Variants in ASCC2 observed in about 807,000 individuals in gnomAD.
ASCC2 encodes the protein activating signal cointegrator 1 complex subunit 2.
In ASCC2, 42 loss-of-function variants were observed where a neutral mutation model predicts 93.5. The ratio of observed to expected loss-of-function variants is 0.45; its 90% CI spans 0.35 to 0.58. ASCC2 has a LOEUF of 0.58. Among genes scored for constraint, ASCC2 ranks in the 20% least tolerant of loss-of-function variants. The pLI is 0.00. For missense variants in ASCC2, 859 were observed against 977.6 expected, an observed-to-expected ratio of 0.88 and a Z score of 1.62; for synonymous variants, 364 against 384.2, an observed-to-expected ratio of 0.95 and a Z score of 0.62.
intron 1 of ASCC2, 83 bp from the exon 2 acceptor site, chr22:29,832,425 C>A: frequency 9.1e-7 from 1 of 1,098,048 alleles, no homozygotes; most frequent in Non-Finnish European, 1.3e-6. Context: ...ATCCCAGAGT[C>A]AGAAGAGAAG....
chr22:29,806,191 G>A (rs1491004283), intron 12 of ASCC2, 25 bp downstream of exon 12: 8 of 1,611,008 alleles, frequency 5.0e-6, no homozygotes, highest in South Asian at 2.2e-5. Flanking sequence ...GGGCCCTGTC[G>A]TAGTGGGCTA....
At chr22:29,801,854 CAA>C (rs1397738800) in intron 14 of ASCC2, 138 bp downstream of exon 14, 3 of 774,920 alleles carry the variant, frequency 3.9e-6, no homozygotes, top group African/African-American at 3.5e-5. Flanking sequence ...TATGTTTCCC[CAA>C]AGAGGGCTTT....
In ASCC2 at chr22:29,807,235, C is replaced by CAAAA. The variant is rs553545816; in HGVS notation, c.909-335_909-332dup. Among the ~76,000 whole-genome samples, 154 of 46,442 alleles carry CAAAA rather than the reference C, an allele frequency of 3.3e-3. 3 individuals carry two copies. In the South Asian group the frequency reaches 0.054, roughly 16 times the overall value. The allele number at this position is 46,442 out of a possible 152,430, so 30.5% of individuals were successfully genotyped here. ...TGGGTGACAGAGCAAGACCCTGTCT[C>CAAAA]AAAAAAAAAAAAAAAAAAAAAAAAA... On this transcript the variant is annotated intron_variant, in intron 9 of 19. Transcript: ENST00000307790.
At position 29,804,716 on chromosome 22, in the gene ASCC2, C is replaced by T; in HGVS notation, c.1275G>A (p.Gly425=). The change falls in exon 13 of 20, where the codon GGG becomes GGA. Residue 425 remains glycine, a synonymous_variant. Coordinates refer to ENST00000307790, the MANE Select transcript of ASCC2 (RefSeq NM_032204.5). ...KDPSVIEEPN[G]EPNGVTVTAE... is the part of the protein sequence containing the mutation. ...CTGTCACCGTGACCCCGTTAGGCTC[C>T]CCATTAGGCTCCTCAATCACCGATG... 2 of 1,614,092 alleles carry T rather than the reference C, an allele frequency of 1.2e-6. No individual in the cohort carries two copies. Among genetic ancestry groups the T allele is most frequent in the South Asian group, 2.2e-5 (2 of 91,078 alleles).
chr22:29,798,249 T>C (rs189088064), intron 15 of ASCC2, among the ~76,000 whole-genome samples: 266 of 152,260 alleles, frequency 1.7e-3, no homozygotes, highest in African/African-American at 5.9e-3. Context: ...TACATTTTCT[T>C]TAGGTCTTTC....
Position 29,804,803 on chromosome 22 carries a change from G to A in ASCC2, c.1188C>T (p.Leu396=), listed in dbSNP as rs1261477945. The A allele has an allele frequency of 6.2e-7, 1 of 1,614,114 alleles. No homozygotes were observed. Among genetic ancestry groups the A allele is most frequent in the South Asian group, 1.1e-5 (1 of 91,082 alleles). ...CTTCCCATGCACTCTCGACTGCCTG[G>A]AGGATGTAGGCAGTCCGCGTCTCGT... is the stretch of plus-strand genomic sequence containing the variant. ...VLDETRTAYI[L]QAVESAWEGV... The change falls in exon 13 of 20, where the codon CTC becomes CTT. Residue 396 remains leucine (L), a synonymous_variant. Coordinates refer to ENST00000307790, the MANE Select transcript of ASCC2 (RefSeq NM_032204.5).
chr22:29,790,559 G>A lies in ASCC2; in HGVS notation c.2023-11C>T. ...AACAAAATGGTCGGGCTGTGGAAAG[G>A]AGAGGAGACCAAATCTGGAGTCAGG... is the stretch of plus-strand genomic sequence containing the variant. On this transcript the variant is annotated splice_polypyrimidine_tract_variant and intron_variant, in intron 18 of 19. Coordinates refer to ENST00000307790, the MANE Select transcript of ASCC2 (RefSeq NM_032204.5). The A allele has an allele frequency of 6.2e-7, 1 of 1,613,702 alleles. No homozygotes were observed. The highest frequency in any genetic ancestry group is 1.1e-5 in the South Asian group (1 of 91,070).
At chr22:29,807,235 C>CAAA (rs553545816) in intron 9 of ASCC2, among the ~76,000 whole-genome samples, 2,833 of 46,382 alleles carry the variant, frequency 0.061, 78 homozygotes, top group East Asian at 0.091. Context: ...GACCCTGTCT[C>CAAA]AAAAAAAAAA....
intron 17 of ASCC2, 128 bp downstream of exon 17, chr22:29,793,232 G>A (rs1269793997): frequency 1.5e-6 from 2 of 1,331,798 alleles, no homozygotes; most frequent in Non-Finnish European, 1.0e-6. Flanking sequence ...GAGGAGCACT[G>A]GATTAGGAGT....
chr22:29,815,699 T>C (rs2060764500), intron 6 of ASCC2, among the ~76,000 whole-genome samples: 1 of 152,218 alleles, frequency 6.6e-6, no homozygotes, highest in African/African-American at 2.4e-5. Flanking sequence ...TGAGAAACAC[T>C]GGTCTCTTAG....
At chr22:29,800,275 T>C (rs28730892) in intron 15 of ASCC2, among the ~76,000 whole-genome samples, 19,730 of 152,202 alleles carry the variant, frequency 0.13, 2,094 homozygotes, top group African/African-American at 0.29. Flanking sequence ...AGGAGCCTTC[T>C]TGACTGGGGT....
intron 15 of ASCC2, among the ~76,000 whole-genome samples, chr22:29,799,935 G>T (rs6006262): frequency 0.13 from 19,221 of 152,134 alleles, 1,954 homozygotes; most frequent in African/African-American, 0.28. Flanking sequence ...CTATAGGCGT[G>T]TGCCAGCACA....
chr22:29,792,679 T>G, intron 17 of ASCC2, 144 bp from the exon 18 acceptor site: 1 of 1,157,362 alleles, frequency 8.6e-7, no homozygotes, highest in Non-Finnish European at 1.2e-6. Flanking sequence ...TCAAGCCAGA[T>G]TTGCTCCAGC....
rs750079104 is a variant in ASCC2 at position 29,789,199 on chromosome 22, ACCCAC to A, written c.2103-20_2103-16del. On this transcript the variant is annotated splice_polypyrimidine_tract_variant and intron_variant, in intron 19 of 19. Coordinates refer to ENST00000307790, the MANE Select transcript of ASCC2 (RefSeq NM_032204.5). ...CATGCCGGTACCTGAGGGAGGAACA[ACCCAC>A]CCCACGAGAACCTGTCAGCCGGAAG... 3 of 1,613,258 alleles carry A rather than the reference ACCCAC, an allele frequency of 1.9e-6. No homozygotes were observed. The highest frequency in any genetic ancestry group is 2.7e-5 in the African/African-American group (2 of 74,842).
chr22:29,807,343 G>T (rs1408328317), intron 9 of ASCC2, among the ~76,000 whole-genome samples: 1 of 152,004 alleles, frequency 6.6e-6, no homozygotes, highest in Admixed American at 6.5e-5. Flanking sequence ...AGCAGAGAAG[G>T]CCTCACAATT....
intron 1 of ASCC2, chr22:29,833,661 A>G (rs763648118): frequency 2.1e-6 from 1 of 470,524 alleles, no homozygotes; most frequent in South Asian, 1.5e-5. Flanking sequence ...ACGGAATAGA[A>G]GTGTATTAGG....
chr22:29,789,262 G>C (rs2068568336), intron 19 of ASCC2, 78 bp from the exon 20 acceptor site: 2 of 1,542,720 alleles, frequency 1.3e-6, no homozygotes, highest in Admixed American at 1.7e-5. Flanking sequence ...AGCCTGCCTT[G>C]GTGTTCACTG....
chr22:29,795,927 A>G (rs537073778), intron 15 of ASCC2, among the ~76,000 whole-genome samples: 1 of 149,524 alleles, frequency 6.7e-6, no homozygotes, highest in Admixed American at 6.7e-5. Context: ...TAAGATAATA[A>G]AAAAAAAAAG....
At chr22:29,802,809 C>A (rs536250134) in intron 13 of ASCC2, among the ~76,000 whole-genome samples, 2 of 151,658 alleles carry the variant, frequency 1.3e-5, no homozygotes, top group East Asian at 1.9e-4. Context: ...TGGTGGCATG[C>A]GCCTGTGGTC....
Sources: allele counts gnomAD v4.1 joint callset (sites outside exome capture counted in the v4.1 genomes callset), GRCh38; gene constraint gnomAD v4.1.1; transcripts MANE v1.5; gene names NCBI Gene and HGNC (gene_info 2026-07-23, HGNC 2026-07-21).